Variants in CSGALNACT1 observed in about 807,000 individuals in gnomAD.
CSGALNACT1 encodes the protein beta4GalNAcT-1.
A neutral mutation model predicts 51.0 loss-of-function variants in CSGALNACT1; 52 were observed. The ratio of observed to expected loss-of-function variants is 1.02; its 90% CI spans 0.82 to 1.29. The LOEUF is 1.29. Among genes scored for constraint, CSGALNACT1 ranks in the 50% most tolerant of loss-of-function variants. The pLI, the probability that CSGALNACT1 is intolerant of heterozygous loss-of-function variation, is 0.00. For missense variants in CSGALNACT1, 935 were observed against 679.2 expected, an observed-to-expected ratio of 1.38 and a Z score of -4.19; for synonymous variants, 341 against 254.4, an observed-to-expected ratio of 1.34 and a Z score of -3.24.
At chr8:19,517,145 A>G (rs974886723) in intron 3 of CSGALNACT1, among the ~76,000 whole-genome samples, 1 of 152,214 alleles carries the variant, frequency 6.6e-6, no homozygotes, top group Non-Finnish European at 1.5e-5. Context: ...TCTTTGAAAG[A>G]AGAAAAAGAG....
intron 3 of CSGALNACT1, among the ~76,000 whole-genome samples, chr8:19,511,578 A>G (rs568236707): frequency 2.0e-5 from 3 of 152,324 alleles, no homozygotes; most frequent in African/African-American, 7.2e-5. Context: ...CCTCTACCCC[A>G]GTTGAATTCC....
At chr8:19,739,326 C>A (rs2064170366) in intron 1 of CSGALNACT1, among the ~76,000 whole-genome samples, 1 of 152,066 alleles carries the variant, frequency 6.6e-6, no homozygotes, top group South Asian at 2.1e-4. Context: ...AACAGTAAGA[C>A]TTCCTGCTGC....
intron 5 of CSGALNACT1, among the ~76,000 whole-genome samples, chr8:19,458,173 T>A (rs1413004118): frequency 6.6e-6 from 1 of 152,234 alleles, no homozygotes; most frequent in Non-Finnish European, 1.5e-5. Flanking sequence ...TTCAGTCATC[T>A]TTGTAGATCC....
chr8:19,648,702 G>T (rs370178993), intron 1 of CSGALNACT1, among the ~76,000 whole-genome samples: 1 of 152,162 alleles, frequency 6.6e-6, no homozygotes. Context: ...TACTCAGAAG[G>T]CTGAGGTGGG....
chr8:19,459,715 T>C (rs559476219), intron 4 of CSGALNACT1, among the ~76,000 whole-genome samples: 31 of 152,288 alleles, frequency 2.0e-4, no homozygotes, highest in African/African-American at 7.0e-4. Context: ...TGTGCCTCAT[T>C]TTCCCCAAAG....
chr8:19,593,450 C>A (rs1325057394), intron 2 of CSGALNACT1, among the ~76,000 whole-genome samples: 1 of 152,214 alleles, frequency 6.6e-6, no homozygotes, highest in Non-Finnish European at 1.5e-5. Flanking sequence ...CTCTGTAGGT[C>A]TGGAGTGGGG....
At chr8:19,624,295 A>G (rs924100474) in intron 1 of CSGALNACT1, among the ~76,000 whole-genome samples, 1 of 152,144 alleles carries the variant, frequency 6.6e-6, no homozygotes, top group Non-Finnish European at 1.5e-5. Flanking sequence ...CATAAAACCC[A>G]CAAAAATATT....
At chr8:19,605,135 A>G (rs1172954349), upstream of CSGALNACT1, among the ~76,000 whole-genome samples, 1 of 152,186 alleles carries the variant, frequency 6.6e-6, no homozygotes, top group African/African-American at 2.4e-5. Flanking sequence ...TGCCAAAAGC[A>G]AAAACTAAAT....
At chr8:19,522,428 C>G (rs2080911559) in intron 3 of CSGALNACT1, among the ~76,000 whole-genome samples, 1 of 152,098 alleles carries the variant, frequency 6.6e-6, no homozygotes, top group Non-Finnish European at 1.5e-5. Context: ...AAAAGAAAAC[C>G]ATAGTAAATT....
chr8:19,601,598 G>T (rs563360838), intron 2 of CSGALNACT1, among the ~76,000 whole-genome samples, 173 bp downstream of exon 2: 1 of 152,206 alleles, frequency 6.6e-6, no homozygotes, highest in Non-Finnish European at 1.5e-5. Flanking sequence ...ATTCAATGGA[G>T]CCAAGTAATT....
At chr8:19,563,255 C>T (rs1167867018) in intron 3 of CSGALNACT1, among the ~76,000 whole-genome samples, 4 of 151,962 alleles carry the variant, frequency 2.6e-5, no homozygotes, top group South Asian at 2.1e-4. Context: ...GGGAGGGGAA[C>T]GACACACAAT....
At chr8:19,751,859 AGCCAT>A (rs1470376715) in intron 1 of CSGALNACT1, among the ~76,000 whole-genome samples, 1 of 152,092 alleles carries the variant, frequency 6.6e-6, no homozygotes, top group Non-Finnish European at 1.5e-5. Flanking sequence ...AGGCCTCCCC[AGCCAT>A]GCCCCCTGTG....
chr8:19,650,110 T>C (rs1033991582), intron 1 of CSGALNACT1, among the ~76,000 whole-genome samples: 1 of 152,184 alleles, frequency 6.6e-6, no homozygotes, highest in African/African-American at 2.4e-5. Flanking sequence ...TCAGTTGCTC[T>C]GGGGTGAGAC....
At position 19,443,070 on chromosome 8, in the gene CSGALNACT1, G is replaced by A. The variant is rs142548278; in HGVS notation, c.852-3139C>T. ...CAGCTTTCTGACAAAACCACCATTC[G>A]GCTGCACCCTCCTGGGGCCAGACCT... On this transcript the variant is annotated intron_variant, in intron 5 of 9. Transcript: ENST00000454498. 9.2e-4 allele frequency among the ~76,000 whole-genome samples: 140 copies of A among 152,156 alleles called. 2 individuals are homozygous for A. Among genetic ancestry groups the A allele is most frequent in the African/African-American group, 3.0e-3 (123 of 41,520 alleles).
At chr8:19,706,857 C>A (rs1166963306) in intron 1 of CSGALNACT1, among the ~76,000 whole-genome samples, 2 of 152,110 alleles carry the variant, frequency 1.3e-5, no homozygotes, top group Admixed American at 6.6e-5. Flanking sequence ...GAACTCATGT[C>A]CTCAAGTGAT....
At chr8:19,521,834 G>A (rs2080790159) in intron 3 of CSGALNACT1, among the ~76,000 whole-genome samples, 1 of 152,158 alleles carries the variant, frequency 6.6e-6, no homozygotes, top group Non-Finnish European at 1.5e-5. Context: ...GATAAGAGAG[G>A]GGGACTTTGA....
chr8:19,593,151 A>C (rs1336033816), intron 2 of CSGALNACT1, among the ~76,000 whole-genome samples: 2 of 152,216 alleles, frequency 1.3e-5, no homozygotes, highest in African/African-American at 2.4e-5. Context: ...ACAGCTAAAG[A>C]ATGTACGATA....
At chr8:19,635,929 C>T (rs1444278395) in intron 1 of CSGALNACT1, among the ~76,000 whole-genome samples, 2 of 152,100 alleles carry the variant, frequency 1.3e-5, no homozygotes, top group African/African-American at 2.4e-5. Flanking sequence ...AGGGTTTCAC[C>T]ATGTTGGCCA....
At chr8:19,723,140 C>T (rs1055242785) in intron 1 of CSGALNACT1, among the ~76,000 whole-genome samples, 1 of 152,298 alleles carries the variant, frequency 6.6e-6, no homozygotes, top group East Asian at 1.9e-4. Context: ...AAATCTTCAC[C>T]TTATTTTGGG....
Sources: gnomAD v4.1 joint callset for allele counts (sites outside exome capture counted in the v4.1 genomes callset) on GRCh38, gnomAD v4.1.1 for gene constraint, MANE v1.5 for transcripts, NCBI Gene and HGNC (gene_info 2026-07-23, HGNC 2026-07-21) for gene names.